The following DNAAF9 variants were observed in gnomAD, a reference collection of about 807,000 sequenced individuals.
DNAAF9 encodes the protein dynein axonemal assembly factor 9, also known as shulin.
In DNAAF9, 90 loss-of-function variants were observed where a neutral mutation model predicts 167.0. The observed-to-expected ratio is 0.54, with a 90% CI of 0.45 to 0.64. The LOEUF is 0.64. Among genes scored for constraint, DNAAF9 ranks in the 30% least tolerant of loss-of-function variants. The pLI is 0.00. For missense variants in DNAAF9, 1,315 were observed against 1,442.2 expected, an observed-to-expected ratio of 0.91 and a Z score of 1.43; for synonymous variants, 491 against 508.8, an observed-to-expected ratio of 0.96 and a Z score of 0.47.
chr20:3,376,158 GTCTTC>G lies in DNAAF9; in HGVS notation c.408+15_408+19del, dbSNP rs1822508905. 10 of 1,608,744 alleles carry G rather than the reference GTCTTC, an allele frequency of 6.2e-6. No individual in the cohort carries two copies. Among genetic ancestry groups the G allele is most frequent in the Non-Finnish European group, 7.6e-6 (9 of 1,177,716 alleles). ...ATTCTTAGAGTGTCTCTAGGTGCCT[GTCTTC>G]TCTTTTCTTCTTACCTCATTTTCGG... is the stretch of plus-strand genomic sequence containing the variant. On this transcript the variant is annotated intron_variant, in intron 4 of 36. Coordinates refer to ENST00000252032, the MANE Select transcript of DNAAF9 (RefSeq NM_001009984.3).
At chr20:3,290,875 G>A (rs1339076249) in intron 25 of DNAAF9, among the ~76,000 whole-genome samples, 1 of 147,644 alleles carries the variant, frequency 6.8e-6, no homozygotes, top group Non-Finnish European at 1.5e-5. Flanking sequence ...TACAACCTCC[G>A]CCTCCTGGGT....
chr20:3,256,541 A>T (rs1030571548), intron 33 of DNAAF9, among the ~76,000 whole-genome samples: 2 of 152,172 alleles, frequency 1.3e-5, no homozygotes, highest in Non-Finnish European at 2.9e-5. Flanking sequence ...AAAAGAAAGG[A>T]TGGAGTAAGA....
intron 1 of DNAAF9, among the ~76,000 whole-genome samples, chr20:3,395,847 G>A (rs890600333): frequency 1.3e-5 from 2 of 152,064 alleles, no homozygotes; most frequent in Non-Finnish European, 2.9e-5. Context: ...TGAATGTCAT[G>A]AGGAATCTGA....
chr20:3,318,423 TA>T, intron 16 of DNAAF9, 23 bp from the exon 17 acceptor site: 1 of 1,213,702 alleles, frequency 8.2e-7, no homozygotes, highest in Non-Finnish European at 1.2e-6. Flanking sequence ...AGAAACCAGT[TA>T]GATCAGTTAC....
In DNAAF9 at chr20:3,250,912, C is replaced by T. The variant is rs2068184965; in HGVS notation, c.*1660G>A. 1 of 152,124 alleles carries T rather than the reference C, an allele frequency of 6.6e-6. No individual in the cohort carries two copies. 9.4% of individuals were successfully genotyped at this position (152,124 alleles called of 1,614,324 possible). ...TAACTCACTGCTTATTAATCAATTG[C>T]ACTTAAGATCTATGTTACTGATTCT... On this transcript the variant is annotated 3_prime_UTR_variant, in exon 37 of 37. Transcript: ENST00000252032.
intron 36 of DNAAF9, 33 bp downstream of exon 36, chr20:3,253,693 T>A (rs1346230094): frequency 3.0e-6 from 4 of 1,323,028 alleles, no homozygotes; most frequent in African/African-American, 2.9e-5. Flanking sequence ...ACTGCCCGGG[T>A]TCCACACAGG....
intron 33 of DNAAF9, among the ~76,000 whole-genome samples, chr20:3,257,582 C>T (rs761489794): frequency 1.3e-5 from 2 of 152,108 alleles, no homozygotes; most frequent in Non-Finnish European, 2.9e-5. Flanking sequence ...TTCACTCTGT[C>T]GCCCAGGCTG....
intron 31 of DNAAF9, among the ~76,000 whole-genome samples, chr20:3,262,351 C>T (rs993166567): frequency 1.3e-5 from 2 of 151,200 alleles, no homozygotes; most frequent in African/African-American, 2.4e-5. Context: ...CCCGGGTTCA[C>T]GCCATTCTCC....
intron 29 of DNAAF9, among the ~76,000 whole-genome samples, chr20:3,276,435 G>T (rs2122838454): frequency 6.6e-6 from 1 of 152,294 alleles, no homozygotes; most frequent in African/African-American, 2.4e-5. Context: ...CTCTACACAA[G>T]CACAGAGTTT....
rs559940309 is a variant in DNAAF9, at chr20:3,390,488, C to T, written c.84-7982G>A. Among the ~76,000 whole-genome samples, 23 of 152,004 alleles carry T rather than the reference C, an allele frequency of 1.5e-4. No individual in the cohort carries two copies. The South Asian group carries it at 3.7e-3, about 25-fold the overall frequency. On this transcript the variant is annotated intron_variant, in intron 1 of 36. Coordinates refer to ENST00000252032, the MANE Select transcript of DNAAF9 (RefSeq NM_001009984.3). The stretch of plus-strand genomic sequence containing the variant: ...TCAAGTGATTTTCCTGCCTCAGCCT[C>T]CCTGTAGCTGGGATTACAGGCGTGT...
intron 1 of DNAAF9, 150 bp from the exon 2 acceptor site, chr20:3,382,656 A>T (rs1010823806): frequency 1.5e-6 from 1 of 658,530 alleles, no homozygotes; most frequent in Non-Finnish European, 2.7e-6. Flanking sequence ...TATCAGAACC[A>T]TAAAATGGAT....
At chr20:3,387,519 C>T (rs971844514) in intron 1 of DNAAF9, among the ~76,000 whole-genome samples, 5 of 152,082 alleles carry the variant, frequency 3.3e-5, no homozygotes, top group African/African-American at 7.2e-5. Flanking sequence ...TAAACATAAA[C>T]ATAAAACTAT....
In DNAAF9 at chr20:3,376,029, G is replaced by A. The variant is rs548799262; in HGVS notation, c.408+149C>T. 92 of 726,626 alleles carry A rather than the reference G, an allele frequency of 1.3e-4. No individual in the cohort carries two copies. In the African/African-American group the frequency reaches 1.6e-3, roughly 12 times the overall value. The allele number at this position is 726,626 out of a possible 1,614,324, so 45.0% of individuals were successfully genotyped here. A position where few individuals can be genotyped will look rare whatever the true frequency, so the allele number is the denominator to read the frequency against. On this transcript the variant is annotated intron_variant, in intron 4 of 36. Coordinates refer to ENST00000252032, the MANE Select transcript of DNAAF9 (RefSeq NM_001009984.3). ...TTTATCTATAAGGTAGCCTCAAAAC[G>A]AAATATGAAATTCTCCACTTCAAAC...
At chr20:3,334,400 A>G (rs935401548) in intron 10 of DNAAF9, among the ~76,000 whole-genome samples, 1 of 152,218 alleles carries the variant, frequency 6.6e-6, no homozygotes, top group Non-Finnish European at 1.5e-5. Flanking sequence ...AGAATCTTGG[A>G]GCTTCCATGG....
At chr20:3,289,936 T>G (rs1005135699) in intron 26 of DNAAF9, among the ~76,000 whole-genome samples, 193 bp downstream of exon 26, 1 of 152,198 alleles carries the variant, frequency 6.6e-6, no homozygotes, top group African/African-American at 2.4e-5. Flanking sequence ...TGTATGTTCA[T>G]CGATGTATTC....
chr20:3,262,533 G>A (rs796753539), intron 31 of DNAAF9, among the ~76,000 whole-genome samples: 4 of 152,250 alleles, frequency 2.6e-5, no homozygotes, highest in Admixed American at 6.5e-5. Flanking sequence ...ACAGGTGTGA[G>A]CCACCACATC....
chr20:3,292,290 C>A (rs776548678), intron 25 of DNAAF9, among the ~76,000 whole-genome samples: 1 of 152,080 alleles, frequency 6.6e-6, no homozygotes, highest in Non-Finnish European at 1.5e-5. Context: ...ATGAGCCATG[C>A]CGCCTGGGCG....
intron 30 of DNAAF9, among the ~76,000 whole-genome samples, chr20:3,268,255 G>A (rs997300238): frequency 1.3e-5 from 2 of 151,688 alleles, no homozygotes; most frequent in African/African-American, 4.8e-5. Flanking sequence ...GGCTGGTCTT[G>A]AACTCCTGAC....
In DNAAF9 at chr20:3,298,157, C is replaced by T. The variant is rs1428722818; in HGVS notation, c.1801G>A (p.Ala601Thr). Reference sequence around the variant, plus strand: ...CTTTTGAAGTCTATGAGAAGAGCAGCAACAGTACTGGTGGAATCCTAAAGC... The same window carrying T: ...CTTTTGAAGTCTATGAGAAGAGCAGTAACAGTACTGGTGGAATCCTAAAGC... ...FYDGDSTSTV[A>T]ALLIDFKSSL... The change falls in exon 22 of 37, where the codon GCT becomes ACT. Residue 601 changes from alanine to threonine, a missense_variant. By Grantham distance (58) the Ala-to-Thr change is moderately conservative (BLOSUM62 0). This residue lies in a region of DNAAF9 where 981 missense variants were observed against 1,012.5 expected (regional missense o/e 0.97). Transcript: ENST00000252032. The T allele has an allele frequency of 4.3e-6, 7 of 1,613,752 alleles. No individual in the cohort carries two copies. The highest frequency in any genetic ancestry group is 5.9e-6 in the Non-Finnish European group (7 of 1,179,870).
Sources: allele counts gnomAD v4.1 joint callset (sites outside exome capture counted in the v4.1 genomes callset), GRCh38; gene constraint gnomAD v4.1.1; regional missense constraint gnomAD v4.1.1; transcripts MANE v1.5; gene names NCBI Gene and HGNC (gene_info 2026-07-23, HGNC 2026-07-21).